PTPRQ: variants seen among roughly 807,000 people sequenced by gnomAD.
PTPRQ encodes the protein phosphatidylinositol phosphatase PTPRQ.
Under a neutral mutation model 246.0 loss-of-function variants are expected in PTPRQ, and 199 were observed. The ratio of observed to expected loss-of-function variants is 0.81; its 90% CI spans 0.72 to 0.91. The LOEUF is 0.91. Ranked by LOEUF, PTPRQ falls within the 40% of genes least tolerant of loss-of-function variation. The probability of loss-of-function intolerance (pLI) is 0.00; values close to 1 mark genes in which losing one functional copy is unlikely to be tolerated. For synonymous variants in PTPRQ, 869 were observed against 853.2 expected (o/e 1.02, Z -0.32); for missense variants, 2,624 against 2,528.4 (o/e 1.04, Z -0.81).
Position 80,558,834 on chromosome 12 carries a change from AG to A in PTPRQ, c.4285+9101del, listed in dbSNP as rs1447521230. Among the ~76,000 whole-genome samples the A allele has an allele frequency of 2.6e-5, 4 of 152,192 alleles. No individual in the cohort carries two copies. The East Asian group carries it at 5.8e-4, about 22-fold the overall frequency. ...GTTTCCCTGATGGCTAACGTTCAAT[AG>A]CTAATTGAATATATTTTTTATGTAC... On this transcript the variant is annotated intron_variant, in intron 25 of 44. Coordinates refer to ENST00000644991, the MANE Select transcript of PTPRQ (RefSeq NM_001145026.2).
rs1286406361 is a variant in PTPRQ, at chr12:80,619,426, C to T, written c.5273C>T (p.Ala1758Val). Residue 1758 changes from alanine to valine, a missense_variant, in exon 31 of 45, where the codon GCC (alanine) becomes GTC (valine). Physicochemically the swap from Ala to Val is moderately conservative, Grantham distance 64. Coordinates refer to ENST00000644991, the MANE Select transcript of PTPRQ (RefSeq NM_001145026.2). The stretch of plus-strand genomic sequence containing the variant: ...ACCAAACCAACCCCTATTTATGATG[C>T]CACAGGAAAACTGCTTGTGACTTCA... ...PKTKPTPIYD[A>V]TGKLLVTSTT... 3.9e-6 allele frequency: 6 copies of T among 1,547,944 alleles called. No individual in the cohort carries two copies. The Admixed American group carries it at 7.9e-5, about 20-fold the overall frequency.
intron 33 of PTPRQ, among the ~76,000 whole-genome samples, chr12:80,623,777 C>T (rs1409687527): frequency 2.0e-5 from 3 of 152,044 alleles, no homozygotes; most frequent in South Asian, 2.1e-4. Flanking sequence ...GCAACATGTT[C>T]CGTCAGTTAT....
chr12:80,507,528 G>T (rs951410049), intron 16 of PTPRQ, among the ~76,000 whole-genome samples: 1 of 151,852 alleles, frequency 6.6e-6, no homozygotes, highest in African/African-American at 2.4e-5. Context: ...GACACTGCTA[G>T]GAAGGGAGAC....
chr12:80,482,261 A>C (rs1369454107), intron 8 of PTPRQ, among the ~76,000 whole-genome samples: 7 of 150,940 alleles, frequency 4.6e-5, no homozygotes, highest in African/African-American at 1.7e-4. Flanking sequence ...CCTGAGAAAA[A>C]CAAGCAATGG....
At chr12:80,634,109 T>G (rs1899548495) in intron 34 of PTPRQ, among the ~76,000 whole-genome samples, 3 of 152,308 alleles carry the variant, frequency 2.0e-5, no homozygotes, top group South Asian at 4.1e-4. Flanking sequence ...CACTGTCTTA[T>G]GTGTTGTAAT....
At chr12:80,482,469 G>A (rs1421973552) in intron 8 of PTPRQ, among the ~76,000 whole-genome samples, 3 of 151,638 alleles carry the variant, frequency 2.0e-5, no homozygotes, top group Non-Finnish European at 2.9e-5. Flanking sequence ...GCATGGGCAA[G>A]GACTTCATGT....
chr12:80,513,448 C>T (rs925934164), intron 17 of PTPRQ, among the ~76,000 whole-genome samples: 2 of 152,140 alleles, frequency 1.3e-5, no homozygotes, highest in African/African-American at 4.8e-5. Flanking sequence ...TGTCTTACGC[C>T]AACGTGTTCC....
intron 3 of PTPRQ, among the ~76,000 whole-genome samples, chr12:80,452,627 C>T (rs1429509423): frequency 6.6e-6 from 1 of 152,140 alleles, no homozygotes; most frequent in African/African-American, 2.4e-5. Context: ...ACTTATGAAG[C>T]TTAGTTTGGC....
chr12:80,662,583 A>G (rs912900084), intron 39 of PTPRQ, among the ~76,000 whole-genome samples: 2 of 152,036 alleles, frequency 1.3e-5, no homozygotes, highest in South Asian at 2.1e-4. Flanking sequence ...TCATATTTCA[A>G]TTATTCACTG....
rs1896061039 is a variant in PTPRQ, at chr12:80,538,744, TCA to T, written c.2986-1031_2986-1030del. 5.3e-5 allele frequency among the ~76,000 whole-genome samples: 8 copies of T among 151,758 alleles called. No individual in the cohort carries two copies. The South Asian group carries it at 1.7e-3, about 32-fold the overall frequency. On this transcript the variant is annotated intron_variant, in intron 19 of 44. Coordinates refer to ENST00000644991, the MANE Select transcript of PTPRQ (RefSeq NM_001145026.2). ...GGTAAATTTGCTTATCCTATGTTAT[TCA>T]TTTAAATGAAACTAATTACTGTTTT...
chr12:80,481,057 C>T (rs1266217253), intron 8 of PTPRQ, among the ~76,000 whole-genome samples: 1 of 152,052 alleles, frequency 6.6e-6, no homozygotes, highest in Non-Finnish European at 1.5e-5. Context: ...CAAAGCCAGG[C>T]AGAGACACAA....
intron 17 of PTPRQ, among the ~76,000 whole-genome samples, chr12:80,519,198 T>C (rs1024625826): frequency 1.3e-5 from 2 of 152,150 alleles, no homozygotes; most frequent in Non-Finnish European, 2.9e-5. Context: ...TTTTACTTCC[T>C]GCCACCAAAC....
chr12:80,653,411 A>G (rs1277262029), intron 38 of PTPRQ, among the ~76,000 whole-genome samples: 2 of 152,160 alleles, frequency 1.3e-5, no homozygotes, highest in African/African-American at 4.8e-5. Flanking sequence ...AAAATAGGAC[A>G]TTTCTCTGTT....
At chr12:80,594,460 T>A (rs937523841) in intron 26 of PTPRQ, among the ~76,000 whole-genome samples, 4 of 152,096 alleles carry the variant, frequency 2.6e-5, no homozygotes, top group Admixed American at 2.0e-4. Context: ...CTGTTGAAAA[T>A]CTTCTAAATT....
At chr12:80,514,900 C>A (rs1445851637) in intron 17 of PTPRQ, among the ~76,000 whole-genome samples, 1 of 146,780 alleles carries the variant, frequency 6.8e-6, no homozygotes, top group African/African-American at 2.5e-5. Flanking sequence ...AAAGGATAGA[C>A]CTTAACATAT....
chr12:80,537,967 G>A (rs1283887979), intron 19 of PTPRQ, among the ~76,000 whole-genome samples: 1 of 152,026 alleles, frequency 6.6e-6, no homozygotes, highest in Non-Finnish European at 1.5e-5. Flanking sequence ...AAATTAGCCG[G>A]GCATGGTGGC....
chr12:80,513,706 T>C (rs577084389), intron 17 of PTPRQ, among the ~76,000 whole-genome samples: 1 of 152,168 alleles, frequency 6.6e-6, no homozygotes, highest in South Asian at 2.1e-4. Context: ...GTGAGAAACG[T>C]CACCTGACCT....
At chr12:80,453,386 C>T (rs1853021164) in intron 3 of PTPRQ, among the ~76,000 whole-genome samples, 1 of 152,202 alleles carries the variant, frequency 6.6e-6, no homozygotes, top group Non-Finnish European at 1.5e-5. Flanking sequence ...ATTCTCTGTC[C>T]AGCTTTGTTC....
At chr12:80,521,046 C>T (rs1464350433) in intron 17 of PTPRQ, among the ~76,000 whole-genome samples, 45 of 151,224 alleles carry the variant, frequency 3.0e-4, no homozygotes, top group Non-Finnish European at 5.3e-4. Context: ...TTTTAATGAT[C>T]ACCATTCTAA....
Sources: allele counts gnomAD v4.1 joint callset (sites outside exome capture counted in the v4.1 genomes callset), GRCh38; gene constraint gnomAD v4.1.1; transcripts MANE v1.5; gene names NCBI Gene and HGNC (gene_info 2026-07-23, HGNC 2026-07-21).